Variants in SCUBE3 observed in about 807,000 individuals in gnomAD.
The protein encoded by SCUBE3 is signal peptide, CUB domain and EGF like domain containing 3.
In SCUBE3, 33 loss-of-function variants were observed where a neutral mutation model predicts 116.8. The observed-to-expected ratio is 0.28, with a 90% confidence interval of 0.21 to 0.38. The LOEUF is 0.38. SCUBE3 is among the 10% of genes least tolerant of loss of function. The pLI is 1.00. For synonymous variants in SCUBE3, 418 were observed against 496.9 expected (o/e 0.84, Z 2.11); for missense variants, 1,007 against 1,324.8 (o/e 0.76, Z 3.72).
rs946781763 is a variant in SCUBE3, at chr6:35,240,567, TTGGCTTG to T, written c.1069+83_1069+89del. ...CCCTCCAATTGAACAGGTCCTTGTG[TTGGCTTG>T]TGGCTATGGGCAATCCCTGGATGCA... On this transcript the variant is annotated intron_variant, in intron 9 of 21. Transcript: ENST00000274938. This position sits in a 1 kb window ranked among gnomAD's most constrained non-coding sequence, Gnocchi z 4.6. The T allele has an allele frequency of 7.7e-5, 54 of 704,896 alleles. No individual in the cohort carries two copies. Among genetic ancestry groups the T allele is most frequent in the Admixed American group, 7.6e-5 (3 of 39,658 alleles). The allele number at this position is 704,896 out of a possible 1,614,324, so 43.7% of individuals were successfully genotyped here.
chr6:35,245,860 C>T lies in SCUBE3; in HGVS notation c.2600-84C>T. On this transcript the variant is annotated intron_variant, in intron 19 of 21. Transcript: ENST00000274938. The surrounding 1 kb of genome is among the most constrained non-coding windows in gnomAD (Gnocchi z 4.2). Reference sequence around the variant, plus strand: ...GAATGATTCTCTTGCCCTATACCCCCACCACCAGCTGTACAGCCCACGTTC... The same window carrying T: ...GAATGATTCTCTTGCCCTATACCCCTACCACCAGCTGTACAGCCCACGTTC... 1 of 1,421,276 alleles carries T rather than the reference C, an allele frequency of 7.0e-7. No individual in the cohort carries two copies. Among genetic ancestry groups the T allele is most frequent in the Non-Finnish European group, 9.7e-7 (1 of 1,026,910 alleles). 88.0% of individuals were successfully genotyped at this position (1,421,276 alleles called of 1,614,324 possible).
chr6:35,242,539 T>C lies in SCUBE3; in HGVS notation c.1535-83T>C, dbSNP rs1022376809. On this transcript the variant is annotated intron_variant, in intron 13 of 21. Transcript: ENST00000274938. ...AACAGGATTGAGAGATAGTTACAGTTAGAGATCTGGGGAGGTCTGTCTGGG... is the reference window on the plus strand; with the variant it reads ...AACAGGATTGAGAGATAGTTACAGTCAGAGATCTGGGGAGGTCTGTCTGGG... 3.5e-5 allele frequency: 44 copies of C among 1,258,364 alleles called. No homozygotes were observed. In the African/African-American group the frequency reaches 5.4e-4, roughly 15 times the overall value. The allele number at this position is 1,258,364 out of a possible 1,614,324, so 77.9% of individuals were successfully genotyped here.
Position 35,233,080 on chromosome 6 carries a change from G to A in SCUBE3, c.595+105G>A. On this transcript the variant is annotated intron_variant, in intron 5 of 21. Coordinates refer to ENST00000274938, the MANE Select transcript of SCUBE3 (RefSeq NM_152753.4). This position sits in a 1 kb window ranked among gnomAD's most constrained non-coding sequence, Gnocchi z 5.7. ...AGAGGACAGGGCTGGGAGGAAAAGG[G>A]AGTATGGGGGAGGCAACTAGGCAAG... The A allele has an allele frequency of 6.6e-7, 1 of 1,509,070 alleles. No homozygotes were observed. The highest frequency in any genetic ancestry group is 9.1e-7 in the Non-Finnish European group (1 of 1,093,004). The allele number at this position is 1,509,070 out of a possible 1,614,324, so 93.5% of individuals were successfully genotyped here.
chr6:35,243,037 C>T lies in SCUBE3; in HGVS notation c.1710C>T (p.Pro570=). The T allele has an allele frequency of 6.2e-7, 1 of 1,614,134 alleles. No individual in the cohort carries two copies. The highest frequency in any genetic ancestry group is 8.5e-7 in the Non-Finnish European group (1 of 1,180,024). Residue 570 remains proline, a synonymous_variant, in exon 15 of 22, where the codon CCC becomes CCT. Coordinates refer to ENST00000274938, the MANE Select transcript of SCUBE3 (RefSeq NM_152753.4). The surrounding 1 kb of genome is among the most constrained non-coding windows in gnomAD (Gnocchi z 6.6). ...CACCACCAGCCAGCTGTGGGCTGCC[C>T]TGCCTCCGACAGCGAATGGAACGGC... is the stretch of plus-strand genomic sequence containing the variant. ...AEETTASCGL[P]CLRQRMERRL...
intron 7 of SCUBE3, among the ~76,000 whole-genome samples, chr6:35,238,302 G>A (rs944246644): frequency 9.2e-5 from 14 of 152,064 alleles, no homozygotes; most frequent in African/African-American, 2.9e-4. Flanking sequence ...ATGGACATGC[G>A]ATTCACATTT....
Position 35,249,497 on chromosome 6 carries a change from A to G in SCUBE3, c.*792A>G, listed in dbSNP as rs1370544923. 6.6e-6 allele frequency: 1 copy of G among 152,270 alleles called. No homozygotes were observed. The highest frequency in any genetic ancestry group is 1.9e-4 in the East Asian group (1 of 5,204). 9.4% of individuals were successfully genotyped at this position (152,270 alleles called of 1,614,324 possible). A position where few individuals can be genotyped will look rare whatever the true frequency, so the allele number is the denominator to read the frequency against. On this transcript the variant is annotated 3_prime_UTR_variant, in exon 22 of 22. Coordinates refer to ENST00000274938, the MANE Select transcript of SCUBE3 (RefSeq NM_152753.4). ...ACAAGGTTTTAAAGCATTGCCAAAAAAAAGAAAACAGAAAGAAAAAATGTA... is the reference window on the plus strand; with the variant it reads ...ACAAGGTTTTAAAGCATTGCCAAAAGAAAGAAAACAGAAAGAAAAAATGTA...
intron 1 of SCUBE3, among the ~76,000 whole-genome samples, chr6:35,217,760 C>G (rs1262814560): frequency 6.6e-6 from 1 of 152,126 alleles, no homozygotes; most frequent in Non-Finnish European, 1.5e-5. Flanking sequence ...TTGCCTGTGC[C>G]CTGTCCAGGC....
chr6:35,235,364 G>A lies in SCUBE3; in HGVS notation c.712+2063G>A. The A allele has an allele frequency of 3.5e-6, 2 of 577,174 alleles. No homozygotes were observed. 35.8% of individuals were successfully genotyped at this position (577,174 alleles called of 1,614,324 possible). A position where few individuals can be genotyped will look rare whatever the true frequency, so the allele number is the denominator to read the frequency against. On this transcript the variant is annotated intron_variant, in intron 6 of 21. Transcript: ENST00000274938. This position sits in a 1 kb window ranked among gnomAD's most constrained non-coding sequence, Gnocchi z 4.5. ...TGGTTTGGGCTGGCAGTGGGGAGGA[G>A]AGGGTGGGGAGGGGTCCGGGGCCAG...
chr6:35,215,610 G>A (rs1782854371), intron 1 of SCUBE3, among the ~76,000 whole-genome samples: 1 of 152,198 alleles, frequency 6.6e-6, no homozygotes, highest in Non-Finnish European at 1.5e-5. Flanking sequence ...AAGCCTGAGT[G>A]TCCGACACAG....
chr6:35,238,897 G>A (rs957667813), intron 7 of SCUBE3, among the ~76,000 whole-genome samples: 5 of 152,058 alleles, frequency 3.3e-5, no homozygotes, highest in African/African-American at 1.2e-4. Context: ...CGAGAGGAGG[G>A]GGGAGGCTAG....
rs775097369 is a variant in SCUBE3 at position 35,243,957 on chromosome 6, T to C, written c.2072-6T>C. The C allele has an allele frequency of 2.5e-6, 4 of 1,613,138 alleles. No homozygotes were observed. The highest frequency in any genetic ancestry group is 4.5e-5 in the East Asian group (2 of 44,878). On this transcript the variant is annotated splice_region_variant and splice_polypyrimidine_tract_variant and intron_variant, in intron 16 of 21. Transcript: ENST00000274938. This position sits in a 1 kb window ranked among gnomAD's most constrained non-coding sequence, Gnocchi z 6.6. ...CCATCAGAGTTGGGCCCTTGATTCATTGCAGGTCAGTGCCCACCTGGCCAA... is the reference window on the plus strand; with the variant it reads ...CCATCAGAGTTGGGCCCTTGATTCACTGCAGGTCAGTGCCCACCTGGCCAA...
chr6:35,242,685 A>G lies in SCUBE3; in HGVS notation c.1598A>G (p.Lys533Arg). ...FIHLKCDSSR[K>R]GKGRRARTPP... is the part of the protein sequence containing the mutation. The stretch of plus-strand genomic sequence containing the variant: ...CACCTTAAGTGTGACTCCTCTCGGA[A>G]GGGCAAGGGCCGACGGGCCCGGACC... Residue 533 changes from lysine to arginine, a missense_variant, in exon 14 of 22, where the codon AAG (lysine) becomes AGG (arginine). Around this residue, in one of 5 missense-constraint regions of SCUBE3, gnomAD observed 544 missense variants for 638.9 expected, o/e 0.85. Transcript: ENST00000274938. 2.5e-6 allele frequency: 4 copies of G among 1,614,162 alleles called. No homozygotes were observed. The highest frequency in any genetic ancestry group is 3.4e-6 in the Non-Finnish European group (4 of 1,179,972).
At position 35,239,714 on chromosome 6, in the gene SCUBE3, G is replaced by A. The variant is rs1783949917; in HGVS notation, c.830-38G>A. ...TTCTCCTTGTTTGTTCTCAGCCTTT[G>A]ATAGTATCTTTTATCCTGTTTTGTC... On this transcript the variant is annotated intron_variant, in intron 7 of 21. Coordinates refer to ENST00000274938, the MANE Select transcript of SCUBE3 (RefSeq NM_152753.4). This position sits in a 1 kb window ranked among gnomAD's most constrained non-coding sequence, Gnocchi z 4.1. The A allele has an allele frequency of 1.9e-6, 3 of 1,601,498 alleles. No homozygotes were observed. The highest frequency in any genetic ancestry group is 1.7e-6 in the Non-Finnish European group (2 of 1,173,820).
In SCUBE3 at chr6:35,241,682, A is replaced by G. The variant is rs1784060826; in HGVS notation, c.1312+23A>G. 1 of 1,558,836 alleles carries G rather than the reference A, an allele frequency of 6.4e-7. No homozygotes were observed. The highest frequency in any genetic ancestry group is 1.7e-5 in the Admixed American group (1 of 59,962). On this transcript the variant is annotated intron_variant, in intron 11 of 21. Transcript: ENST00000274938. This position sits in a 1 kb window ranked among gnomAD's most constrained non-coding sequence, Gnocchi z 4.1. ...CAGGTACATGGGAGGAGGGTGCTGG[A>G]GAGCTTTGGAGGAGAAAAGAGGAAG...
chr6:35,242,960 C>G, intron 14 of SCUBE3, 61 bp from the exon 15 acceptor site: 1 of 1,564,868 alleles, frequency 6.4e-7, no homozygotes, highest in Non-Finnish European at 8.8e-7. Flanking sequence ...CTTTGCTCCC[C>G]TGCCCTCCTG....
chr6:35,215,618 C>T (rs1231948165), intron 1 of SCUBE3, among the ~76,000 whole-genome samples: 2 of 152,186 alleles, frequency 1.3e-5, no homozygotes, highest in Admixed American at 6.5e-5. Flanking sequence ...GTGTCCGACA[C>T]AGGTCGCTGT....
chr6:35,225,516 A>C (rs1251291060), intron 1 of SCUBE3, among the ~76,000 whole-genome samples: 1 of 152,188 alleles, frequency 6.6e-6, no homozygotes, highest in East Asian at 1.9e-4. Context: ...CAGCAGGTAG[A>C]CACCATGCCT....
chr6:35,220,759 G>C (rs548398889), intron 1 of SCUBE3: 1 of 152,328 alleles, frequency 6.6e-6, no homozygotes, highest in Non-Finnish European at 1.5e-5. Context: ...GCTTGAGTGA[G>C]AGGAGAGGAT....
rs1374500444 is a variant in SCUBE3, at chr6:35,214,740, GAA to G, written c.85+238_85+239del. Among the ~76,000 whole-genome samples, 2 of 152,208 alleles carry G rather than the reference GAA, an allele frequency of 1.3e-5. No homozygotes were observed. The highest frequency in any genetic ancestry group is 2.9e-5 in the Non-Finnish European group (2 of 68,030). On this transcript the variant is annotated intron_variant, in intron 1 of 21. Transcript: ENST00000274938. This position sits in a 1 kb window ranked among gnomAD's most constrained non-coding sequence, Gnocchi z 6.3. The stretch of plus-strand genomic sequence containing the variant: ...GAGAAACTCTTGGGGGCGGTGGGCA[GAA>G]GAGACCACGCGCCTCAGAATTCCGC...
Sources: gnomAD v4.1 joint callset for allele counts (sites outside exome capture counted in the v4.1 genomes callset) on GRCh38, gnomAD v4.1.1 for gene constraint, gnomAD v4.1.1 regional missense constraint, Gnocchi (gnomAD v3.1) non-coding constraint, MANE v1.5 for transcripts, NCBI Gene and HGNC (gene_info 2026-07-23, HGNC 2026-07-21) for gene names.